Variants in EPM2A observed in about 807,000 individuals in gnomAD.
EPM2A encodes the protein EPM2A glucan phosphatase, laforin.
Under a neutral mutation model 26.5 loss-of-function variants are expected in EPM2A, and 21 were observed. That is an observed-to-expected ratio of 0.79 (90% confidence interval 0.56 to 1.14). EPM2A has a LOEUF of 1.14. Ranked by LOEUF, EPM2A falls within the 50% of genes most tolerant of loss-of-function variation. The pLI is 0.00. For synonymous variants in EPM2A, 217 were observed against 177.6 expected (o/e 1.22, Z -1.76); for missense variants, 458 against 440.8 (o/e 1.04, Z -0.35).
chr6:145,447,685 G>T (rs1367374120), intron 4 of EPM2A, among the ~76,000 whole-genome samples: 1 of 152,044 alleles, frequency 6.6e-6, no homozygotes, highest in East Asian at 1.9e-4. Context: ...TACTGTGAAA[G>T]ACAAGAACTC....
chr6:145,686,269 C>T lies in EPM2A; in HGVS notation c.329G>A (p.Cys110Tyr). Residue 110 changes from cysteine (C) to tyrosine (Y), a missense_variant, in exon 2 of 4, where the codon TGT becomes TAT. By Grantham distance (194) the Cys-to-Tyr change is radical (BLOSUM62 -2). Coordinates refer to ENST00000367519, the MANE Select transcript of EPM2A (RefSeq NM_005670.4). ...EGNGPHHDRC[C>Y]TYNENNLVDG... ...CACCAAGTTGTTTTCATTGTAAGTACAGCAACGGTCATGATGAGGTCCATT... is the reference window on the plus strand; with the variant it reads ...CACCAAGTTGTTTTCATTGTAAGTATAGCAACGGTCATGATGAGGTCCATT... 5 of 1,613,782 alleles carry T rather than the reference C, an allele frequency of 3.1e-6. No homozygotes were observed. Among genetic ancestry groups the T allele is most frequent in the Non-Finnish European group, 4.2e-6 (5 of 1,179,790 alleles).
At chr6:145,415,184 C>T (rs930505791) in intron 4 of EPM2A, among the ~76,000 whole-genome samples, 4 of 152,204 alleles carry the variant, frequency 2.6e-5, no homozygotes, top group East Asian at 1.9e-4. Flanking sequence ...GAGAATTGTG[C>T]TTTCATTGGC....
intron 4 of EPM2A, among the ~76,000 whole-genome samples, chr6:145,426,812 T>A (rs1778859716): frequency 6.6e-6 from 1 of 152,238 alleles, no homozygotes; most frequent in Admixed American, 6.5e-5. Context: ...TGCTTTCATC[T>A]ACATTCTTAA....
chr6:145,534,861 T>C (rs994863761), intron 2 of EPM2A, among the ~76,000 whole-genome samples: 1 of 152,182 alleles, frequency 6.6e-6, no homozygotes, highest in Non-Finnish European at 1.5e-5. Flanking sequence ...TCAGTTTCCA[T>C]GTCATCAAGT....
intron 2 of EPM2A, among the ~76,000 whole-genome samples, chr6:145,590,495 C>G (rs1781258416): frequency 6.6e-6 from 1 of 151,858 alleles, no homozygotes; most frequent in Non-Finnish European, 1.5e-5. Flanking sequence ...GCCCACAGGC[C>G]CAATAAAAGA....
chr6:145,694,738 A>T (rs1227236249), intron 1 of EPM2A, among the ~76,000 whole-genome samples: 1 of 152,012 alleles, frequency 6.6e-6, no homozygotes, highest in Non-Finnish European at 1.5e-5. Flanking sequence ...GCATCTTTTA[A>T]TATTTAATGT....
chr6:145,507,208 C>T (rs114333514), intron 2 of EPM2A, among the ~76,000 whole-genome samples: 14 of 152,116 alleles, frequency 9.2e-5, no homozygotes, highest in Admixed American at 2.6e-4. Flanking sequence ...GAAAGAAAAC[C>T]TTTTCTTTTC....
In EPM2A at chr6:145,489,734, C is replaced by T. The variant is rs1452634259; in HGVS notation, c.555+12788G>A. ...AATCCTCAGCATCTTCGTGATCTTC[C>T]CTGGCAGCCTCAGCAGCATCTGCTT... On this transcript the variant is annotated intron_variant, in intron 4 of 4. Transcript: ENST00000638717. 2.0e-6 allele frequency: 3 copies of T among 1,464,816 alleles called. No homozygotes were observed. The Admixed American group carries it at 5.0e-5, about 25-fold the overall frequency. 90.7% of individuals were successfully genotyped at this position (1,464,816 alleles called of 1,614,324 possible).
chr6:145,590,931 A>G, intron 2 of EPM2A, among the ~76,000 whole-genome samples: 1 of 152,312 alleles, frequency 6.6e-6, no homozygotes, highest in East Asian at 1.9e-4. Flanking sequence ...TGAAATATCA[A>G]ACAGAAAATT....
At chr6:145,421,440 T>C (rs1001506815) in intron 4 of EPM2A, among the ~76,000 whole-genome samples, 2 of 152,144 alleles carry the variant, frequency 1.3e-5, no homozygotes, top group Non-Finnish European at 2.9e-5. Flanking sequence ...AGGAACATTA[T>C]GTTTATGTAT....
intron 1 of EPM2A, chr6:145,734,952 A>C (rs375070310): frequency 7.2e-6 from 2 of 277,916 alleles, no homozygotes; most frequent in African/African-American, 2.2e-5. Flanking sequence ...GTGGGCGGGA[A>C]GGCGGCCGGG....
chr6:145,543,523 GA>G (rs879609904), intron 2 of EPM2A, among the ~76,000 whole-genome samples: 7 of 149,484 alleles, frequency 4.7e-5, no homozygotes, highest in African/African-American at 2.4e-5. Context: ...GGTAGAACTA[GA>G]AAAAAAAATA....
intron 2 of EPM2A, among the ~76,000 whole-genome samples, chr6:145,535,630 G>A (rs1209889590): frequency 6.6e-6 from 1 of 152,064 alleles, no homozygotes; most frequent in African/African-American, 2.4e-5. Flanking sequence ...AAGCAAATAA[G>A]GAACAATAAA....
At chr6:145,410,735 C>T (rs1014242221) in intron 4 of EPM2A, among the ~76,000 whole-genome samples, 4 of 152,124 alleles carry the variant, frequency 2.6e-5, no homozygotes, top group Admixed American at 2.0e-4. Context: ...GGGATGAAAG[C>T]AGGTGGTAAG....
chr6:145,622,849 C>G (rs1007865429), downstream of EPM2A, among the ~76,000 whole-genome samples: 2 of 152,152 alleles, frequency 1.3e-5, no homozygotes, highest in African/African-American at 4.8e-5. Flanking sequence ...TTATGGCTGC[C>G]CCAGCAAACA....
rs1162902926 is a variant in EPM2A, at chr6:145,627,599, G to A, written c.813C>T (p.Gly271=). ...IVYVHCNAGV[G]RSTAAVCGWL... ...AGCCGCAGACAGCCGCGGTGGAGCG[G>A]CCCACCCCAGCGTTGCAGTGCACGT... Residue 271 remains glycine, a synonymous_variant, in exon 4 of 4, where the codon GGC becomes GGT. Transcript: ENST00000367519. The A allele has an allele frequency of 1.2e-6, 2 of 1,614,100 alleles. No individual in the cohort carries two copies. Among genetic ancestry groups the A allele is most frequent in the African/African-American group, 2.7e-5 (2 of 74,950 alleles).
chr6:145,506,083 A>G (rs1779968654), intron 2 of EPM2A, among the ~76,000 whole-genome samples: 1 of 152,214 alleles, frequency 6.6e-6, no homozygotes, highest in South Asian at 2.1e-4. Context: ...TACAATTGGT[A>G]ATCTACTGTC....
intron 4 of EPM2A, among the ~76,000 whole-genome samples, chr6:145,462,746 TCC>T (rs1779342052): frequency 6.6e-6 from 1 of 152,110 alleles, no homozygotes; most frequent in African/African-American, 2.4e-5. Context: ...CATCTCTGAA[TCC>T]CAGTGCAAGA....
intron 2 of EPM2A, among the ~76,000 whole-genome samples, chr6:145,580,006 A>G (rs1279877404): frequency 6.6e-6 from 1 of 152,196 alleles, no homozygotes; most frequent in African/African-American, 2.4e-5. Context: ...AGCTTTGTAC[A>G]TTAACATAGA....
Sources: allele counts gnomAD v4.1 joint callset (sites outside exome capture counted in the v4.1 genomes callset), GRCh38; gene constraint gnomAD v4.1.1; transcripts MANE v1.5; gene names NCBI Gene and HGNC (gene_info 2026-07-23, HGNC 2026-07-21).